The following ANKRD44 variants were observed in gnomAD, a reference collection of about 807,000 sequenced individuals.
The protein encoded by ANKRD44 is serine/threonine-protein phosphatase 6 regulatory ankyrin repeat subunit B.
A neutral mutation model predicts 116.0 loss-of-function variants in ANKRD44; 35 were observed. The observed-to-expected ratio is 0.30, with a 90% CI of 0.23 to 0.40. The LOEUF (loss-of-function observed/expected upper bound fraction) is 0.40, where lower values mean the gene tolerates loss of function less well. Ranked by LOEUF, ANKRD44 falls within the 10% of genes least tolerant of loss-of-function variation. The probability of loss-of-function intolerance (pLI) is 1.00; values close to 1 mark genes in which losing one functional copy is unlikely to be tolerated. For synonymous variants in ANKRD44, 435 were observed against 461.8 expected, an observed-to-expected ratio of 0.94 and a Z score of 0.74; for missense variants, 1,014 against 1,242.6, an observed-to-expected ratio of 0.82 and a Z score of 2.77.
chr2:197,206,992 A>T (rs1023043539), intron 1 of ANKRD44, among the ~76,000 whole-genome samples: 1 of 152,232 alleles, frequency 6.6e-6, no homozygotes, highest in East Asian at 1.9e-4. Context: ...TTAATTCATC[A>T]TTCTTTGAAG....
intron 17 of ANKRD44, among the ~76,000 whole-genome samples, chr2:197,017,134 G>A (rs2076407441): frequency 1.3e-5 from 2 of 152,212 alleles, no homozygotes; most frequent in Admixed American, 1.3e-4. Context: ...GTTGGTGAGA[G>A]TATAGATTGG....
intron 3 of ANKRD44, among the ~76,000 whole-genome samples, chr2:197,137,458 GCTGA>G (rs2079246769): frequency 6.6e-6 from 1 of 152,200 alleles, no homozygotes. Context: ...GGAAGCAGGA[GCTGA>G]CTAATCTCCA....
intron 17 of ANKRD44, 49 bp from the exon 18 acceptor site, chr2:197,013,761 T>C (rs771914801): frequency 2.9e-5 from 47 of 1,598,486 alleles, no homozygotes; most frequent in East Asian, 8.9e-5. Flanking sequence ...TCACCTCAAA[T>C]CCCGCCACAG....
At chr2:197,080,786 G>C (rs987660141) in intron 15 of ANKRD44, among the ~76,000 whole-genome samples, 4 of 152,016 alleles carry the variant, frequency 2.6e-5, no homozygotes, top group African/African-American at 9.7e-5. Context: ...ACAGGCATTC[G>C]GGCCACAGAA....
At position 197,013,679 on chromosome 2, in the gene ANKRD44, G is replaced by A. The variant is rs950154472; in HGVS notation, c.1756C>T (p.Leu586Phe). ...TCCAGGTCCACCAACGACTGCAGAA[G>A]GACTTCCAAGGCTTGATGGTGCCCA... ...YNGHHQALEV[L>F]LQSLVDLDIR... The change falls in exon 18 of 28, where the codon CTT becomes TTT. Residue 586 changes from leucine to phenylalanine, a missense_variant. Coordinates refer to ENST00000282272, the MANE Select transcript of ANKRD44 (RefSeq NM_001195144.2). The A allele has an allele frequency of 6.2e-7, 1 of 1,613,522 alleles. No homozygotes were observed. Among genetic ancestry groups the A allele is most frequent in the Non-Finnish European group, 8.5e-7 (1 of 1,180,034 alleles).
At chr2:197,090,903 T>C (rs1482985081) in intron 10 of ANKRD44, among the ~76,000 whole-genome samples, 7 of 152,188 alleles carry the variant, frequency 4.6e-5, no homozygotes, top group Non-Finnish European at 1.0e-4. Context: ...TCCCATCCCC[T>C]TTTCAGCTCC....
Position 197,099,857 on chromosome 2 carries a change from A to G in ANKRD44, c.1059T>C (p.Leu353=), listed in dbSNP as rs781026926. Residue 353 remains leucine, a synonymous_variant, in exon 10 of 28, where the codon CTT becomes CTC. Coordinates refer to ENST00000282272, the MANE Select transcript of ANKRD44 (RefSeq NM_001195144.2). ...LHVAARYGHE[L]LINTLITSGA... is the part of the protein sequence containing the mutation. ...CGCTGGTTATTAAGGTGTTAATCAA[A>G]AGCTCATGACCGTATCTTGCAGCCA... 4 of 1,614,158 alleles carry G rather than the reference A, an allele frequency of 2.5e-6. No individual in the cohort carries two copies. The South Asian group carries it at 3.3e-5, about 13-fold the overall frequency.
intron 2 of ANKRD44, among the ~76,000 whole-genome samples, chr2:197,184,910 C>A (rs890161271): frequency 4.6e-5 from 7 of 152,192 alleles, no homozygotes; most frequent in African/African-American, 1.7e-4. Context: ...AAGTTAGGCT[C>A]CCCTAACCTT....
At chr2:197,297,626 G>A (rs900063000) in intron 1 of ANKRD44, among the ~76,000 whole-genome samples, 4 of 152,234 alleles carry the variant, frequency 2.6e-5, no homozygotes, top group South Asian at 2.1e-4. Flanking sequence ...TAGGAGTAGC[G>A]CTGTGCACAT....
At position 197,078,824 on chromosome 2, in the gene ANKRD44, T is replaced by A. The variant is rs372615414; in HGVS notation, c.1539-10A>T. On this transcript the variant is annotated splice_polypyrimidine_tract_variant and intron_variant, in intron 15 of 27. Coordinates refer to ENST00000282272, the MANE Select transcript of ANKRD44 (RefSeq NM_001195144.2). ...CAGAAACTCTAGACATCTGTAAGTA[T>A]AAAGATGAAGTGTTATTTTAGAAAA... 4 of 1,611,440 alleles carry A rather than the reference T, an allele frequency of 2.5e-6. No individual in the cohort carries two copies. The highest frequency in any genetic ancestry group is 3.4e-6 in the Non-Finnish European group (4 of 1,178,392).
chr2:197,239,940 G>C (rs2082055216), intron 1 of ANKRD44, among the ~76,000 whole-genome samples: 1 of 151,816 alleles, frequency 6.6e-6, no homozygotes, highest in Middle Eastern at 3.2e-3. Flanking sequence ...TCAGATGAAG[G>C]GCCTTGCATT....
intron 16 of ANKRD44, among the ~76,000 whole-genome samples, chr2:197,033,171 C>A (rs940114045): frequency 4.0e-5 from 6 of 151,852 alleles, no homozygotes; most frequent in African/African-American, 1.5e-4. Flanking sequence ...TGGGAAAAGG[C>A]CTAAGATATA....
intron 2 of ANKRD44, among the ~76,000 whole-genome samples, chr2:197,161,448 C>T (rs563674593): frequency 6.6e-6 from 1 of 152,114 alleles, no homozygotes; most frequent in Non-Finnish European, 1.5e-5. Flanking sequence ...AGTATTTTTT[C>T]ACATGGGCTA....
intron 1 of ANKRD44, among the ~76,000 whole-genome samples, chr2:197,288,892 T>C (rs1243514134): frequency 6.6e-6 from 1 of 152,064 alleles, no homozygotes; most frequent in African/African-American, 2.4e-5. Context: ...TACCAGAGGC[T>C]GAGAAGGATA....
intron 1 of ANKRD44, among the ~76,000 whole-genome samples, chr2:197,295,322 T>C (rs566750111): frequency 1.3e-5 from 2 of 152,318 alleles, no homozygotes; most frequent in African/African-American, 4.8e-5. Context: ...TAATAAATAT[T>C]TTCAGCTTTG....
chr2:196,974,271 C>T (rs764097331), intron 21 of ANKRD44, among the ~76,000 whole-genome samples: 27 of 151,842 alleles, frequency 1.8e-4, no homozygotes, highest in Non-Finnish European at 3.4e-4. Context: ...TTTGTAGAGA[C>T]GGGGTTTTGC....
intron 1 of ANKRD44, among the ~76,000 whole-genome samples, chr2:197,216,441 T>A (rs2081443874): frequency 6.6e-6 from 1 of 152,340 alleles, no homozygotes; most frequent in East Asian, 1.9e-4. Flanking sequence ...CTTCTTAGTC[T>A]GTCCTACCTC....
chr2:197,101,494 A>AG (rs1349952585), intron 9 of ANKRD44, among the ~76,000 whole-genome samples: 3 of 152,342 alleles, frequency 2.0e-5, no homozygotes, highest in African/African-American at 7.2e-5. Context: ...AACAGCCCTG[A>AG]AAATGGATGG....
intron 16 of ANKRD44, among the ~76,000 whole-genome samples, chr2:197,042,462 T>C (rs930384768): frequency 2.0e-5 from 3 of 151,146 alleles, no homozygotes; most frequent in Non-Finnish European, 4.4e-5. Context: ...TTGCTTCCAA[T>C]TGTATCTTCT....
Sources: gnomAD v4.1 joint callset for allele counts (sites outside exome capture counted in the v4.1 genomes callset) on GRCh38, gnomAD v4.1.1 for gene constraint, MANE v1.5 for transcripts, NCBI Gene and HGNC (gene_info 2026-07-23, HGNC 2026-07-21) for gene names.